ADD2: variants seen among roughly 807,000 people sequenced by gnomAD.
The protein encoded by ADD2 is adducin 2.
In ADD2, 23 loss-of-function variants were observed where a neutral mutation model predicts 83.0. The ratio of observed to expected loss-of-function variants is 0.28; its 90% CI spans 0.20 to 0.39. The LOEUF (loss-of-function observed/expected upper bound fraction) is 0.39. Ranked by LOEUF, ADD2 falls within the 10% of genes least tolerant of loss-of-function variation. The pLI is 1.00. For missense variants in ADD2, 758 were observed against 944.9 expected, an observed-to-expected ratio of 0.80 and a Z score of 2.59; for synonymous variants, 375 against 375.4, an observed-to-expected ratio of 1.00 and a Z score of 0.01.
At chr2:70,743,910 A>C (rs1674048931) in intron 1 of ADD2, among the ~76,000 whole-genome samples, 1 of 152,236 alleles carries the variant, frequency 6.6e-6, no homozygotes, top group Non-Finnish European at 1.5e-5. Flanking sequence ...AAATCATGCT[A>C]GGTCATAGCC....
intron 1 of ADD2, among the ~76,000 whole-genome samples, chr2:70,739,941 G>C (rs1673794870): frequency 6.6e-6 from 1 of 152,172 alleles, no homozygotes; most frequent in Non-Finnish European, 1.5e-5. Flanking sequence ...TACCTGCATG[G>C]TGGAATAATC....
At chr2:70,740,925 C>T (rs1673861368) in intron 1 of ADD2, among the ~76,000 whole-genome samples, 1 of 152,184 alleles carries the variant, frequency 6.6e-6, no homozygotes, top group African/African-American at 2.4e-5. Context: ...GTCTCAAACT[C>T]CTGGCCTCAA....
chr2:70,767,720 G>A (rs1242159050), intron 1 of ADD2, 166 bp downstream of exon 1: 3 of 1,427,808 alleles, frequency 2.1e-6, no homozygotes, highest in Admixed American at 5.9e-5. Context: ...ACCTTTAGGC[G>A]CAAAACACAC....
At chr2:70,766,295 A>G (rs939066366) in intron 1 of ADD2, among the ~76,000 whole-genome samples, 4 of 152,240 alleles carry the variant, frequency 2.6e-5, no homozygotes, top group Admixed American at 2.6e-4. Flanking sequence ...CTTGTGCCCT[A>G]TGCAGGGAGG....
intron 1 of ADD2, chr2:70,767,621 C>T: frequency 7.8e-7 from 1 of 1,285,726 alleles, no homozygotes; most frequent in Non-Finnish European, 9.8e-7. Context: ...GCGTTACGCT[C>T]CGGGCGAGGG....
At chr2:70,721,541 T>C (rs1672731381) in intron 1 of ADD2, among the ~76,000 whole-genome samples, 1 of 152,242 alleles carries the variant, frequency 6.6e-6, no homozygotes, top group Non-Finnish European at 1.5e-5. Context: ...ATATTTCTAA[T>C]TGTTTTCCTT....
At position 70,768,094 on chromosome 2, in the gene ADD2, C is replaced by A. The variant is rs28365917; in HGVS notation, c.-362G>T. 2,983 of 926,764 alleles carry A rather than the reference C, an allele frequency of 3.2e-3. 31 individuals carry two copies. Among genetic ancestry groups the A allele is most frequent in the East Asian group, 0.028 (1,056 of 37,556 alleles). The allele number at this position is 926,764 out of a possible 1,614,324, so 57.4% of individuals were successfully genotyped here. On this transcript the variant is annotated 5_prime_UTR_variant, in exon 1 of 16. Transcript: ENST00000264436. Reference sequence around the variant, plus strand: ...CTCCGCGGCGGCGGGGATGACTGGCCACCGACGCCGCAGTTCCTTGACAAA... The same window carrying A: ...CTCCGCGGCGGCGGGGATGACTGGCAACCGACGCCGCAGTTCCTTGACAAA...
At chr2:70,699,482 A>G (rs1438980134) in intron 4 of ADD2, among the ~76,000 whole-genome samples, 1 of 152,204 alleles carries the variant, frequency 6.6e-6, no homozygotes, top group East Asian at 1.9e-4. Context: ...TAGGAAGTTT[A>G]CAAAAAATAA....
rs541838557 is a variant in ADD2 at position 70,658,652 on chromosome 2, C to T, written c.*4773G>A. On this transcript the variant is annotated 3_prime_UTR_variant, in exon 16 of 16. Transcript: ENST00000264436. ...TGAGTGCTAAGGTCTTAGAGTTCAA[C>T]TGAGCTCCAGTGATGAGAGAGAATG... is the stretch of plus-strand genomic sequence containing the variant. 1 of 152,270 alleles carries T rather than the reference C, an allele frequency of 6.6e-6. No homozygotes were observed. The highest frequency in any genetic ancestry group is 2.1e-4 in the South Asian group (1 of 4,814). The allele number at this position is 152,270 out of a possible 1,614,324, so 9.4% of individuals were successfully genotyped here.
chr2:70,683,636 C>T lies in ADD2; in HGVS notation c.1080G>A (p.Leu360=), dbSNP rs782511960. 72 of 1,614,042 alleles carry T rather than the reference C, an allele frequency of 4.5e-5. No individual in the cohort carries two copies. In the Middle Eastern group the frequency reaches 3.5e-3, roughly 78 times the overall value. ...STFGPMQKSR[L]GEHEFEALMR... is the part of the protein sequence containing the mutation. ...TGAGGGCCTCAAACTCATGCTCCCC[C>T]AGCCGACTCTTCTGCATAGGCCCAA... The change falls in exon 10 of 16, where the codon CTG becomes CTA. Residue 360 remains leucine, a synonymous_variant. Coordinates refer to ENST00000264436, the MANE Select transcript of ADD2 (RefSeq NM_001617.4).
chr2:70,690,696 C>T, intron 8 of ADD2, 90 bp downstream of exon 8: 1 of 1,436,586 alleles, frequency 7.0e-7, no homozygotes, highest in Non-Finnish European at 9.3e-7. Context: ...TCTCTCCCTC[C>T]CTTATTGTCC....
intron 1 of ADD2, among the ~76,000 whole-genome samples, chr2:70,722,889 T>C (rs1208307102): frequency 6.6e-6 from 1 of 152,222 alleles, no homozygotes; most frequent in African/African-American, 2.4e-5. Context: ...GGGGACATAG[T>C]ACAGAGTAGG....
In ADD2 at chr2:70,734,363, C is replaced by T. The variant is rs72830353; in HGVS notation, c.-153-21179G>A. On this transcript the variant is annotated intron_variant, in intron 1 of 15. Coordinates refer to ENST00000264436, the MANE Select transcript of ADD2 (RefSeq NM_001617.4). ...AACATCTACCCCCACCCCTCACCCC[C>T]TCAAAGCACACACACATGTTGCTCT... 4.4e-3 allele frequency among the ~76,000 whole-genome samples: 673 copies of T among 152,090 alleles called. 4 individuals are homozygous for T. Among genetic ancestry groups the T allele is most frequent in the South Asian group, 6.7e-3 (32 of 4,810 alleles).
At chr2:70,718,601 G>A (rs1321753028) in intron 1 of ADD2, among the ~76,000 whole-genome samples, 1 of 152,204 alleles carries the variant, frequency 6.6e-6, no homozygotes, top group African/African-American at 2.4e-5. Flanking sequence ...GTTAGATCCT[G>A]AAGAAAGACA....
rs1670242038 is a variant in ADD2 at position 70,677,778 on chromosome 2, C to A, written c.1483G>T (p.Val495Leu). Residue 495 changes from valine (V) to leucine (L), a missense_variant, in exon 12 of 16, where the codon GTA becomes TTA. Coordinates refer to ENST00000264436, the MANE Select transcript of ADD2 (RefSeq NM_001617.4). ...CTTACCTTGTTCCTCATCTCCAGTA[C>A]TTCCTGGGGGTCAGTATAGAGAGGC... Reference protein sequence around the residue: ...FVPLYTDPQEVLEMRNKIREQ... With the variant: ...FVPLYTDPQELLEMRNKIREQ... 6.2e-7 allele frequency: 1 copy of A among 1,614,234 alleles called. No homozygotes were observed. The highest frequency in any genetic ancestry group is 8.5e-7 in the Non-Finnish European group (1 of 1,180,044).
Position 70,706,949 on chromosome 2 carries a change from T to C in ADD2, c.-34-507A>G, listed in dbSNP as rs1553374641. 2.6e-5 allele frequency among the ~76,000 whole-genome samples: 4 copies of C among 152,124 alleles called. No homozygotes were observed. The highest frequency in any genetic ancestry group is 2.9e-5 in the Non-Finnish European group (2 of 68,012). On this transcript the variant is annotated intron_variant, in intron 2 of 15. Transcript: ENST00000264436. This position sits in a 1 kb window ranked among gnomAD's most constrained non-coding sequence, Gnocchi z 5.0. Reference sequence around the variant, plus strand: ...GCAGCAAACCACCATGGCACACATTTACCTATGTAACAAACCTGCACATCC... The same window carrying C: ...GCAGCAAACCACCATGGCACACATTCACCTATGTAACAAACCTGCACATCC...
chr2:70,671,885 G>A (rs563188516), intron 15 of ADD2, among the ~76,000 whole-genome samples: 1 of 152,310 alleles, frequency 6.6e-6, no homozygotes, highest in Non-Finnish European at 1.5e-5. Context: ...TCTCTGGGTA[G>A]CAGGACAGCT....
At chr2:70,760,977 G>A (rs1675055738) in intron 1 of ADD2, among the ~76,000 whole-genome samples, 1 of 152,102 alleles carries the variant, frequency 6.6e-6, no homozygotes, top group South Asian at 2.1e-4. Flanking sequence ...AGAAGTGTAT[G>A]CCCCAAAAGG....
At chr2:70,664,599 G>T (rs538188971) in intron 15 of ADD2, among the ~76,000 whole-genome samples, 5 of 152,354 alleles carry the variant, frequency 3.3e-5, no homozygotes, top group African/African-American at 1.2e-4. Flanking sequence ...GCACAGTTAA[G>T]AAGGCTGAAG....
Sources: allele counts gnomAD v4.1 joint callset (sites outside exome capture counted in the v4.1 genomes callset), GRCh38; gene constraint gnomAD v4.1.1; non-coding constraint Gnocchi (gnomAD v3.1); transcripts MANE v1.5; gene names NCBI Gene and HGNC (gene_info 2026-07-23, HGNC 2026-07-21).